The following CSMD3 variants were observed in gnomAD, a reference collection of about 807,000 sequenced individuals.
CSMD3 encodes the protein CUB and sushi domain-containing protein 3.
A neutral mutation model predicts 435.2 loss-of-function variants in CSMD3; 177 were observed. That is an observed-to-expected ratio of 0.41 (90% CI 0.36 to 0.46). The LOEUF is 0.46. CSMD3 is among the 20% of genes least tolerant of loss of function. CSMD3 has a pLI of 0.34. For missense variants in CSMD3, 4,265 were observed against 4,504.6 expected (o/e 0.95, Z 1.52); for synonymous variants, 1,656 against 1,520.5 (o/e 1.09, Z -2.07).
chr8:112,543,175 G>T (rs1486562051), intron 27 of CSMD3, among the ~76,000 whole-genome samples: 1 of 152,032 alleles, frequency 6.6e-6, no homozygotes, highest in Non-Finnish European at 1.5e-5. Flanking sequence ...AGAGAAGAAA[G>T]CTTTATAACG....
intron 13 of CSMD3, among the ~76,000 whole-genome samples, chr8:112,748,048 G>A (rs1341421460): frequency 6.6e-6 from 1 of 151,152 alleles, no homozygotes; most frequent in African/African-American, 2.4e-5. Context: ...TTAAGCAACT[G>A]CTGACAACAG....
chr8:113,191,569 A>AC (rs1261655051), intron 3 of CSMD3, among the ~76,000 whole-genome samples: 2 of 151,568 alleles, frequency 1.3e-5, no homozygotes, highest in Non-Finnish European at 3.0e-5. Flanking sequence ...TTGCCAAAAA[A>AC]AAAACAAAAC....
intron 3 of CSMD3, among the ~76,000 whole-genome samples, chr8:113,269,435 T>C (rs1021383538): frequency 6.6e-6 from 1 of 152,120 alleles, no homozygotes; most frequent in African/African-American, 2.4e-5. Context: ...CCAATGACTT[T>C]CTTCACAGAA....
chr8:112,597,193 C>T (rs1469150157), intron 22 of CSMD3, among the ~76,000 whole-genome samples: 1 of 150,906 alleles, frequency 6.6e-6, no homozygotes, highest in African/African-American at 2.4e-5. Flanking sequence ...ATATCACCAC[C>T]AATCCCACAG....
At chr8:112,498,103 C>A (rs1377223179) in intron 30 of CSMD3, among the ~76,000 whole-genome samples, 1 of 151,952 alleles carries the variant, frequency 6.6e-6, no homozygotes, top group African/African-American at 2.4e-5. Flanking sequence ...TGCCTTTATT[C>A]TCAATGTAAT....
rs561479763 is a variant in CSMD3 at position 112,820,025 on chromosome 8, G to A, written c.1859+9661C>T. Among the ~76,000 whole-genome samples, 19 of 152,012 alleles carry A rather than the reference G, an allele frequency of 1.2e-4. 1 individual carries two copies. The East Asian group carries it at 2.9e-3, about 23-fold the overall frequency. On this transcript the variant is annotated intron_variant, in intron 12 of 70. Transcript: ENST00000297405. ...TCACCTTCTTCAAAAAATTAGTTGC[G>A]GTCTTATTTCATTTACTTAATTATC...
intron 11 of CSMD3, among the ~76,000 whole-genome samples, chr8:112,851,628 G>A (rs2080490939): frequency 6.6e-6 from 1 of 152,082 alleles, no homozygotes; most frequent in African/African-American, 2.4e-5. Flanking sequence ...GCCAGGTGTG[G>A]TGGCGTGTGC....
chr8:113,110,630 C>G (rs1017288314), intron 4 of CSMD3, among the ~76,000 whole-genome samples: 5 of 152,148 alleles, frequency 3.3e-5, no homozygotes, highest in African/African-American at 1.2e-4. Flanking sequence ...TACATCTCCC[C>G]TCTTCTCTTT....
At chr8:113,156,115 A>C (rs961458110) in intron 4 of CSMD3, among the ~76,000 whole-genome samples, 1 of 152,094 alleles carries the variant, frequency 6.6e-6, no homozygotes, top group Non-Finnish European at 1.5e-5. Flanking sequence ...GTGCTGCCTA[A>C]ATATGGCTTA....
chr8:112,493,277 T>A (rs1436052819), intron 30 of CSMD3, among the ~76,000 whole-genome samples: 3 of 152,158 alleles, frequency 2.0e-5, no homozygotes. Flanking sequence ...ATAAATATTA[T>A]GTGCTAATAA....
chr8:113,240,640 A>G (rs1052494592), intron 3 of CSMD3, among the ~76,000 whole-genome samples: 3 of 152,178 alleles, frequency 2.0e-5, no homozygotes, highest in Admixed American at 6.6e-5. Context: ...GTAAAATTGT[A>G]TGTCATATGG....
chr8:113,000,774 G>A (rs1420536032), intron 6 of CSMD3, among the ~76,000 whole-genome samples: 1 of 151,760 alleles, frequency 6.6e-6, no homozygotes, highest in Non-Finnish European at 1.5e-5. Flanking sequence ...CTATCTTTCT[G>A]GGCTAAATGT....
At chr8:112,987,182 T>C (rs944387809) in intron 6 of CSMD3, among the ~76,000 whole-genome samples, 1 of 152,080 alleles carries the variant, frequency 6.6e-6, no homozygotes, top group Non-Finnish European at 1.5e-5. Context: ...GTTTTAAATA[T>C]CTAATAGTTT....
intron 38 of CSMD3, among the ~76,000 whole-genome samples, chr8:112,359,795 T>C (rs1311306080): frequency 6.6e-6 from 1 of 152,092 alleles, no homozygotes; most frequent in Non-Finnish European, 1.5e-5. Flanking sequence ...CCCAGTGCCT[T>C]AATTAGTTAG....
intron 27 of CSMD3, among the ~76,000 whole-genome samples, chr8:112,547,235 A>T (rs1417287606): frequency 6.6e-6 from 1 of 152,134 alleles, no homozygotes; most frequent in African/African-American, 2.4e-5. Context: ...TGGATAGTAA[A>T]TTATATTATC....
At chr8:113,041,172 C>T (rs1328866331) in intron 5 of CSMD3, among the ~76,000 whole-genome samples, 1 of 129,490 alleles carries the variant, frequency 7.7e-6, no homozygotes, top group Non-Finnish European at 1.5e-5. Flanking sequence ...CGACACTGCA[C>T]GCCAGCCTGG....
intron 53 of CSMD3, among the ~76,000 whole-genome samples, chr8:112,297,481 A>G (rs1157343721): frequency 2.0e-5 from 3 of 152,060 alleles, no homozygotes; most frequent in Non-Finnish European, 4.4e-5. Context: ...AATTCTATGT[A>G]ATTATTTCAA....
intron 26 of CSMD3, among the ~76,000 whole-genome samples, chr8:112,551,230 T>A (rs1406323669): frequency 6.6e-6 from 1 of 152,090 alleles, no homozygotes; most frequent in African/African-American, 2.4e-5. Context: ...TTTGTTTAAT[T>A]GTTATAATGA....
At chr8:112,653,663 T>C (rs1285432907) in intron 18 of CSMD3, among the ~76,000 whole-genome samples, 1 of 147,978 alleles carries the variant, frequency 6.8e-6, no homozygotes, top group Non-Finnish European at 1.5e-5. Context: ...ATCTTATCTT[T>C]TTTTTTTTTT....
Sources: gnomAD v4.1 joint callset for allele counts (sites outside exome capture counted in the v4.1 genomes callset) on GRCh38, gnomAD v4.1.1 for gene constraint, MANE v1.5 for transcripts, NCBI Gene and HGNC (gene_info 2026-07-23, HGNC 2026-07-21) for gene names.